The following AGBL1 variants were observed in gnomAD, a reference collection of about 807,000 sequenced individuals.
AGBL1 encodes cytosolic carboxypeptidase 4.
In AGBL1, 130 loss-of-function variants were observed where a neutral mutation model predicts 118.9. That is an observed-to-expected ratio of 1.09 (90% CI 0.95 to 1.26). AGBL1 has a LOEUF of 1.26. Among genes scored for constraint, AGBL1 ranks in the 50% most tolerant of loss-of-function variants. AGBL1 has a pLI of 0.00. For missense variants in AGBL1, 1,584 were observed against 1,298.1 expected (o/e 1.22, Z -3.38); for synonymous variants, 555 against 478.9 (o/e 1.16, Z -2.08).
intron 22 of AGBL1, among the ~76,000 whole-genome samples, chr15:86,715,800 T>C (rs2142703511): frequency 6.6e-6 from 1 of 152,306 alleles, no homozygotes; most frequent in African/African-American, 2.4e-5. Context: ...GGCTCACACC[T>C]GTAATCCCAG....
intron 1 of AGBL1, chr15:86,140,281 G>C (rs2076945620): frequency 6.9e-6 from 1 of 144,586 alleles, no homozygotes; most frequent in African/African-American, 2.6e-5. Flanking sequence ...CTTAAATTTT[G>C]TGCTGAAGCA....
intron 14 of AGBL1, among the ~76,000 whole-genome samples, chr15:86,270,961 T>C (rs1276983224): frequency 2.0e-5 from 3 of 152,052 alleles, no homozygotes; most frequent in Non-Finnish European, 4.4e-5. Flanking sequence ...TTCTCTGCAT[T>C]CCTTGGCTGA....
At chr15:86,451,287 T>A (rs781220081) in intron 18 of AGBL1, among the ~76,000 whole-genome samples, 5 of 152,108 alleles carry the variant, frequency 3.3e-5, no homozygotes, top group Admixed American at 3.3e-4. Context: ...AGAGAAAGAG[T>A]GTAAATGAAG....
At chr15:86,258,782 C>A (rs1031714657) in intron 9 of AGBL1, among the ~76,000 whole-genome samples, 4 of 152,130 alleles carry the variant, frequency 2.6e-5, no homozygotes, top group African/African-American at 7.2e-5. Context: ...TCTTGGCTCA[C>A]TGCAACCTCC....
At chr15:86,620,454 C>T (rs1290400386) in intron 21 of AGBL1, among the ~76,000 whole-genome samples, 2 of 152,182 alleles carry the variant, frequency 1.3e-5, no homozygotes, top group African/African-American at 2.4e-5. Context: ...CTCCCACTTA[C>T]CTGCTTGCCT....
chr15:86,748,819 T>C (rs1358434351), intron 22 of AGBL1, among the ~76,000 whole-genome samples: 5 of 152,152 alleles, frequency 3.3e-5, no homozygotes, highest in Middle Eastern at 3.4e-3. Flanking sequence ...CAGATGGTTG[T>C]AGATGTGTGG....
chr15:86,377,527 A>G (rs186106088), intron 17 of AGBL1, among the ~76,000 whole-genome samples: 26 of 152,308 alleles, frequency 1.7e-4, no homozygotes, highest in African/African-American at 6.3e-4. Context: ...CAGTGCTAAC[A>G]AGTCCTGTTT....
chr15:86,769,176 G>GAGAGAGAGAGAGAAAGAGA (rs1555448306), intron 22 of AGBL1, among the ~76,000 whole-genome samples: 1 of 66,612 alleles, frequency 1.5e-5, no homozygotes, highest in African/African-American at 1.1e-4. Context: ...ATTTTGAGAG[G>GAGAGAGAGAGAGAAAGAGA]GAGAGAGAGA....
chr15:86,100,597 G>C (rs1896655163), intron 1 of AGBL1, among the ~76,000 whole-genome samples: 1 of 152,088 alleles, frequency 6.6e-6, no homozygotes, highest in South Asian at 2.1e-4. Context: ...TTGGTAAGTT[G>C]TATGTGTCCA....
At chr15:86,953,964 C>A (rs1440533276) in intron 23 of AGBL1, among the ~76,000 whole-genome samples, 2 of 151,998 alleles carry the variant, frequency 1.3e-5, no homozygotes, top group African/African-American at 4.8e-5. Context: ...GGACAAGCAG[C>A]CAACAAACAT....
rs373985407 is a variant in AGBL1 at position 86,674,408 on chromosome 15, G to T, written c.3130G>T (p.Glu1044Ter). ...AGCTGCAACTCTGCTGAGTGCTGAG[G>T]AGGACGCTCTGGACCAGCACCTCCA... ...AQAATLLSAE[E>*]DALDQHLQRC... Residue 1044 changes from glutamate to a stop codon, truncating the protein, a stop_gained, in exon 22 of 23, where the codon GAG (glutamate) becomes TAG (stop). Transcript: ENST00000614907. LOFTEE classifies it low-confidence loss of function (END_TRUNC). 7.4e-6 allele frequency: 12 copies of T among 1,612,530 alleles called. No individual in the cohort carries two copies. The African/African-American group carries it at 1.5e-4, about 20-fold the overall frequency.
intron 18 of AGBL1, among the ~76,000 whole-genome samples, chr15:86,453,602 G>A (rs1357846970): frequency 6.6e-6 from 1 of 152,142 alleles, no homozygotes; most frequent in Non-Finnish European, 1.5e-5. Flanking sequence ...CCAGCAAAAA[G>A]CCATCAGGTT....
intron 24 of AGBL1, among the ~76,000 whole-genome samples, chr15:86,991,726 C>G (rs1398201795): frequency 6.6e-6 from 1 of 152,126 alleles, no homozygotes; most frequent in African/African-American, 2.4e-5. Context: ...TCAATTCTCT[C>G]TGACTTTAGC....
At chr15:86,967,750 T>C (rs1055708800) in intron 23 of AGBL1, among the ~76,000 whole-genome samples, 30 of 151,966 alleles carry the variant, frequency 2.0e-4, no homozygotes, top group Non-Finnish European at 4.0e-4. Context: ...AGTTTGAAGT[T>C]ACGTAGCATG....
intron 23 of AGBL1, among the ~76,000 whole-genome samples, chr15:86,983,603 A>T (rs1170363908): frequency 2.0e-5 from 3 of 152,156 alleles, no homozygotes; most frequent in Non-Finnish European, 4.4e-5. Flanking sequence ...ATATGGTTTG[A>T]TATCTTTTGA....
At chr15:86,371,970 C>G (rs2080977755) in intron 17 of AGBL1, among the ~76,000 whole-genome samples, 1 of 152,202 alleles carries the variant, frequency 6.6e-6, no homozygotes, top group Non-Finnish European at 1.5e-5. Context: ...GCGGGGGTAC[C>G]TGGCATCCCT....
intron 22 of AGBL1, among the ~76,000 whole-genome samples, chr15:86,755,227 G>A (rs559089497): frequency 1.3e-5 from 2 of 152,078 alleles, no homozygotes; most frequent in African/African-American, 2.4e-5. Context: ...ATGACCTAAT[G>A]TTTTTGGCTG....
At chr15:86,311,641 G>A (rs1055690318) in intron 17 of AGBL1, among the ~76,000 whole-genome samples, 4 of 152,090 alleles carry the variant, frequency 2.6e-5, no homozygotes, top group Non-Finnish European at 5.9e-5. Context: ...AATATCAACA[G>A]AAGAGTGTGA....
chr15:86,946,862 CAAAAT>C (rs1567253583), intron 23 of AGBL1, among the ~76,000 whole-genome samples: 1 of 106,082 alleles, frequency 9.4e-6, no homozygotes, highest in Non-Finnish European at 2.1e-5. Flanking sequence ...AAAAAAAAAA[CAAAAT>C]AGAAAAGAAA....
Sources: allele counts gnomAD v4.1 joint callset (sites outside exome capture counted in the v4.1 genomes callset), GRCh38; gene constraint gnomAD v4.1.1; transcripts MANE v1.5; gene names NCBI Gene and HGNC (gene_info 2026-07-23, HGNC 2026-07-21).